PLXNA4: variants seen among roughly 807,000 people sequenced by gnomAD.
PLXNA4 encodes the protein plexin A4, also known as plexin-A4.
In PLXNA4, 44 loss-of-function variants were observed where a neutral mutation model predicts 191.8. That is an observed-to-expected ratio of 0.23 (90% confidence interval 0.18 to 0.29). The LOEUF (loss-of-function observed/expected upper bound fraction) is 0.29. Ranked by LOEUF, PLXNA4 falls within the 10% of genes least tolerant of loss-of-function variation. The pLI is 1.00. For missense variants in PLXNA4, 1,800 were observed against 2,488.8 expected, an observed-to-expected ratio of 0.72 and a Z score of 5.89; for synonymous variants, 1,082 against 1,009.5, an observed-to-expected ratio of 1.07 and a Z score of -1.36.
intron 5 of PLXNA4, among the ~76,000 whole-genome samples, chr7:132,232,243 T>C (rs906523190): frequency 1.3e-5 from 2 of 152,146 alleles, no homozygotes; most frequent in South Asian, 4.2e-4. Flanking sequence ...CAGGTACTCC[T>C]AAAGCATGTC....
intron 21 of PLXNA4, among the ~76,000 whole-genome samples, chr7:132,173,933 A>T (rs1429467809): frequency 6.6e-6 from 1 of 152,156 alleles, no homozygotes; most frequent in Non-Finnish European, 1.5e-5. Flanking sequence ...TTTGGCCGCC[A>T]CCAGCTGTGT....
At chr7:132,488,290 G>T (rs10081378) in intron 3 of PLXNA4, among the ~76,000 whole-genome samples, 20,029 of 152,212 alleles carry the variant, frequency 0.13, 1,736 homozygotes, top group African/African-American at 0.24. Flanking sequence ...GGTAAAATAG[G>T]CATAGTCCTC....
chr7:132,441,703 A>C (rs1232041347), intron 3 of PLXNA4, among the ~76,000 whole-genome samples: 1 of 152,212 alleles, frequency 6.6e-6, no homozygotes, highest in Non-Finnish European at 1.5e-5. Context: ...TATTTTTAAA[A>C]ATCATTACCT....
chr7:132,475,164 T>C (rs1797076681), intron 3 of PLXNA4, among the ~76,000 whole-genome samples: 1 of 152,104 alleles, frequency 6.6e-6, no homozygotes. Flanking sequence ...CACCTGGGCA[T>C]GAAGATTGCA....
At chr7:132,485,070 GATTAA>G in intron 3 of PLXNA4, 1 of 1,603,896 alleles carries the variant, frequency 6.2e-7, no homozygotes, top group Non-Finnish European at 8.5e-7. Context: ...AAATTAGGAA[GATTAA>G]ATTAATCTAC....
intron 1 of PLXNA4, among the ~76,000 whole-genome samples, chr7:132,562,457 TCC>T (rs1801237546): frequency 2.7e-5 from 1 of 37,662 alleles, no homozygotes; most frequent in Non-Finnish European, 8.6e-5. Flanking sequence ...CTCCTCCTTC[TCC>T]TCCTCCTCCT....
At chr7:132,564,138 T>C (rs1378473147) in intron 1 of PLXNA4, among the ~76,000 whole-genome samples, 20 of 76,206 alleles carry the variant, frequency 2.6e-4, no homozygotes, top group Non-Finnish European at 3.3e-4. Flanking sequence ...TCCTCCTCCT[T>C]CTCCTCCTCC....
rs914551426 is a variant in PLXNA4 at position 132,129,625 on chromosome 7, T to C, written c.*854A>G. 3 of 152,638 alleles carry C rather than the reference T, an allele frequency of 2.0e-5. No homozygotes were observed. Among genetic ancestry groups the C allele is most frequent in the Non-Finnish European group, 4.4e-5 (3 of 68,050 alleles). 9.5% of individuals were successfully genotyped at this position (152,638 alleles called of 1,614,324 possible). ...AATTTGAGGGTAAATGGAAAACAAA[T>C]TCTGCTTCCAGGGTAGATGCAACTC... On this transcript the variant is annotated 3_prime_UTR_variant, in exon 32 of 32. Transcript: ENST00000321063.
At chr7:132,145,401 CTTGGGTAAAA>C in intron 28 of PLXNA4, 113 bp from the exon 29 acceptor site, 2 of 1,461,934 alleles carry the variant, frequency 1.4e-6, no homozygotes, top group South Asian at 2.6e-5. Context: ...GCCCACCCTA[CTTGGGTAAAA>C]TTGGGTAAGT....
intron 16 of PLXNA4, among the ~76,000 whole-genome samples, chr7:132,184,086 C>T (rs940316596): frequency 6.6e-6 from 1 of 152,200 alleles, no homozygotes; most frequent in African/African-American, 2.4e-5. Context: ...AGATTGTTCC[C>T]TGGACTGGAC....
rs148033873 is a variant in PLXNA4 at position 132,436,988 on chromosome 7, T to C, written c.1371+52304A>G. Among the ~76,000 whole-genome samples, 237 of 152,316 alleles carry C rather than the reference T, an allele frequency of 1.6e-3. 1 individual carries two copies. The highest frequency in any genetic ancestry group is 8.7e-3 in the South Asian group (42 of 4,820). ...CTTGGATATGACTGGGCTTTCCTGC[T>C]GCAATGCCCTACAGATGCTCCATCG... On this transcript the variant is annotated intron_variant, in intron 3 of 31. Transcript: ENST00000321063.
rs186549924 is a variant in PLXNA4 at position 132,636,732 on chromosome 7, T to C, written c.-87+9196A>G. ...CTGCAGCCCAATAAGGTGGCCTTGT[T>C]TGAGCAGAGAAAGGACTTCCCAGCC... On this transcript the variant is annotated intron_variant, in intron 2 of 4. Transcript: ENST00000378539. Among the ~76,000 whole-genome samples, 832 of 152,284 alleles carry C rather than the reference T, an allele frequency of 5.5e-3. 7 individuals are homozygous for C. The highest frequency in any genetic ancestry group is 0.027 in the Middle Eastern group (8 of 294).
chr7:132,327,855 C>G (rs1267506189), intron 3 of PLXNA4, among the ~76,000 whole-genome samples: 1 of 152,160 alleles, frequency 6.6e-6, no homozygotes, highest in East Asian at 1.9e-4. Context: ...TTCAGCAAGT[C>G]CTCCCTCCAC....
chr7:132,524,455 C>T (rs1402014799), intron 1 of PLXNA4, among the ~76,000 whole-genome samples: 1 of 152,168 alleles, frequency 6.6e-6, no homozygotes, highest in Non-Finnish European at 1.5e-5. Flanking sequence ...GCAAGGAGCC[C>T]TCTCTTCTCT....
At chr7:132,557,971 G>C (rs1277410996) in intron 1 of PLXNA4, among the ~76,000 whole-genome samples, 3 of 152,088 alleles carry the variant, frequency 2.0e-5, no homozygotes, top group African/African-American at 7.2e-5. Context: ...ACCTTATGTT[G>C]GGTCCAGAGG....
chr7:132,343,048 T>C (rs1056950608), intron 3 of PLXNA4, among the ~76,000 whole-genome samples: 1 of 150,570 alleles, frequency 6.6e-6, no homozygotes, highest in Admixed American at 6.6e-5. Flanking sequence ...GATCAAACCC[T>C]AGGAAAAAGT....
intron 25 of PLXNA4, among the ~76,000 whole-genome samples, chr7:132,158,211 C>G (rs1044238003): frequency 6.6e-6 from 1 of 152,232 alleles, no homozygotes; most frequent in African/African-American, 2.4e-5. Flanking sequence ...GGAGTTACTA[C>G]AACTTCCTGA....
chr7:132,574,887 G>A (rs1009167099), intron 1 of PLXNA4, among the ~76,000 whole-genome samples: 4 of 152,170 alleles, frequency 2.6e-5, no homozygotes, highest in African/African-American at 9.7e-5. Context: ...AGGCCTCCTT[G>A]TTCAAAAGAA....
At chr7:132,589,596 A>C (rs1340935458) in intron 2 of PLXNA4, among the ~76,000 whole-genome samples, 1 of 152,196 alleles carries the variant, frequency 6.6e-6, no homozygotes, top group Non-Finnish European at 1.5e-5. Context: ...ATATCTATTC[A>C]TTCTTTCTTT....
Sources: gnomAD v4.1 joint callset for allele counts (sites outside exome capture counted in the v4.1 genomes callset) on GRCh38, gnomAD v4.1.1 for gene constraint, MANE v1.5 for transcripts, NCBI Gene and HGNC (gene_info 2026-07-23, HGNC 2026-07-21) for gene names.